The following ANAPC1 variants were observed in gnomAD, a reference collection of about 807,000 sequenced individuals.
The protein encoded by ANAPC1 is anaphase promoting complex subunit 1.
A neutral mutation model predicts 208.0 loss-of-function variants in ANAPC1; 36 were observed. The ratio of observed to expected loss-of-function variants is 0.17; its 90% confidence interval spans 0.13 to 0.23. The LOEUF (loss-of-function observed/expected upper bound fraction) is 0.23. Ranked by LOEUF, ANAPC1 falls within the 10% of genes least tolerant of loss-of-function variation. The pLI is 1.00. For synonymous variants in ANAPC1, 378 were observed against 695.2 expected (o/e 0.54, Z 7.18); for missense variants, 942 against 2,011.6 (o/e 0.47, Z 10.17).
At chr2:111,821,151 C>T (rs2104428789) in intron 26 of ANAPC1, 88 bp downstream of exon 26, 3 of 1,485,834 alleles carry the variant, frequency 2.0e-6, no homozygotes, top group East Asian at 4.6e-5. Context: ...GTTTTAAATG[C>T]TAAAAACTTG....
chr2:111,821,542 G>A (rs1679535452), intron 25 of ANAPC1, 89 bp from the exon 26 acceptor site: 5 of 1,414,640 alleles, frequency 3.5e-6, no homozygotes, highest in African/African-American at 1.4e-5. Context: ...GATGTGTCTT[G>A]ACTATACTAG....
chr2:111,846,841 A>T (rs1681116172), intron 16 of ANAPC1, among the ~76,000 whole-genome samples: 2 of 152,014 alleles, frequency 1.3e-5, no homozygotes, highest in South Asian at 4.2e-4. Context: ...AAGTGTTGGG[A>T]TTACAGGTGT....
At chr2:111,855,082 T>C (rs1234861708) in intron 13 of ANAPC1, among the ~76,000 whole-genome samples, 1 of 152,160 alleles carries the variant, frequency 6.6e-6, no homozygotes, top group Non-Finnish European at 1.5e-5. Flanking sequence ...TAGAGGCCAT[T>C]AGAGGGTTAC....
At chr2:111,785,560 G>A (rs1677503429) in intron 39 of ANAPC1, 83 bp from the exon 40 acceptor site, 5 of 882,494 alleles carry the variant, frequency 5.7e-6, no homozygotes, top group Non-Finnish European at 9.1e-6. Context: ...TATAAGCTAA[G>A]ACAGGACAGA....
chr2:111,846,559 A>ATATATATT (rs1553430004), intron 16 of ANAPC1, among the ~76,000 whole-genome samples: 29 of 46,298 alleles, frequency 6.3e-4, no homozygotes, highest in African/African-American at 2.3e-3. Flanking sequence ...ATATATATAT[A>ATATATATT]TTTTTTTTTT....
chr2:111,777,180 T>C, intron 45 of ANAPC1, 123 bp from the exon 46 acceptor site: 1 of 658,928 alleles, frequency 1.5e-6, no homozygotes. Context: ...GGGTGGTCCA[T>C]TCTGTGTTTT....
intron 6 of ANAPC1, among the ~76,000 whole-genome samples, chr2:111,869,646 A>G (rs10197222): frequency 0.58 from 88,553 of 152,104 alleles, 26,692 homozygotes; most frequent in South Asian, 0.69. Flanking sequence ...ATGAGTGTAC[A>G]TACAGGCTGA....
intron 37 of ANAPC1, 74 bp downstream of exon 37, chr2:111,794,004 A>G: frequency 1.1e-6 from 1 of 940,728 alleles, no homozygotes; most frequent in South Asian, 1.9e-5. Context: ...CTGATAACAC[A>G]TAAGTAACTG....
intron 24 of ANAPC1, among the ~76,000 whole-genome samples, chr2:111,823,320 GCAA>G (rs975932891): frequency 2.0e-5 from 3 of 151,876 alleles, no homozygotes; most frequent in Non-Finnish European, 4.4e-5. Context: ...CCTGGCCCAA[GCAA>G]CAATAATGCT....
chr2:111,880,891 A>C, intron 1 of ANAPC1, 42 bp from the exon 2 acceptor site: 1 of 1,487,198 alleles, frequency 6.7e-7, no homozygotes, highest in South Asian at 1.2e-5. Flanking sequence ...TCCAGACTCA[A>C]AACTAGAATA....
intron 34 of ANAPC1, among the ~76,000 whole-genome samples, chr2:111,797,973 A>G (rs1678245695): frequency 7.9e-6 from 1 of 126,762 alleles, no homozygotes; most frequent in South Asian, 2.6e-4. Flanking sequence ...AAGCAGGTCT[A>G]TCTGCGCCAA....
rs1374554730 is a variant in ANAPC1 at position 111,781,771 on chromosome 2, G to C, written c.5202+598C>G. On this transcript the variant is annotated intron_variant, in intron 43 of 47. Coordinates refer to ENST00000341068, the MANE Select transcript of ANAPC1 (RefSeq NM_022662.4). ...TTTCTTGTGTTGGAAACTTATCTGAGTCAAGAATATAGAGCAAAATATGTG... is the reference window on the plus strand; with the variant it reads ...TTTCTTGTGTTGGAAACTTATCTGACTCAAGAATATAGAGCAAAATATGTG... 1.3e-5 allele frequency among the ~76,000 whole-genome samples: 2 copies of C among 152,268 alleles called. 1 individual carries two copies. Among genetic ancestry groups the C allele is most frequent in the Admixed American group, 1.3e-4 (2 of 15,288 alleles).
At chr2:111,881,220 G>T (rs182853109) in intron 1 of ANAPC1, among the ~76,000 whole-genome samples, 2 of 152,136 alleles carry the variant, frequency 1.3e-5, no homozygotes, top group East Asian at 3.9e-4. Context: ...AACATTTAAG[G>T]TCATTTCTGG....
Position 111,783,927 on chromosome 2 carries a change from A to G in ANAPC1, c.5033T>C (p.Ile1678Thr), listed in dbSNP as rs1200363934. 1 of 867,616 alleles carries G rather than the reference A, an allele frequency of 1.2e-6. No homozygotes were observed. Among genetic ancestry groups the G allele is most frequent in the Non-Finnish European group, 1.9e-6 (1 of 536,428 alleles). The allele number at this position is 867,616 out of a possible 1,614,324, so 53.7% of individuals were successfully genotyped here. A position where few individuals can be genotyped will look rare whatever the true frequency, so the allele number is the denominator to read the frequency against. Residue 1678 changes from isoleucine (I) to threonine (T), a missense_variant, in exon 42 of 48, where the codon ATA (isoleucine) becomes ACA (threonine). Transcript: ENST00000341068. Reference sequence around the variant, plus strand: ...GTGTTGTGTTCCTTTGCTTAAATCTATGAGCAGTTCCCAGTATCTTGGGCC... The same window carrying G: ...GTGTTGTGTTCCTTTGCTTAAATCTGTGAGCAGTTCCCAGTATCTTGGGCC... ...VKGPRYWELL[I>T]DLSKGTQHLK...
intron 18 of ANAPC1, among the ~76,000 whole-genome samples, chr2:111,837,044 C>T (rs938921496): frequency 1.3e-5 from 2 of 149,208 alleles, no homozygotes; most frequent in Non-Finnish European, 3.0e-5. Context: ...ATTCATAAGA[C>T]TTTAAAAAAA....
intron 47 of ANAPC1, among the ~76,000 whole-genome samples, chr2:111,771,810 G>T (rs551983040): frequency 6.6e-6 from 1 of 151,474 alleles, no homozygotes. Flanking sequence ...CAAAAAAATT[G>T]GGTGCTTAGA....
Position 111,863,910 on chromosome 2 carries a change from A to C in ANAPC1, c.832-15T>G, listed in dbSNP as rs1682237706. On this transcript the variant is annotated splice_polypyrimidine_tract_variant and intron_variant, in intron 8 of 47. Transcript: ENST00000341068. Reference sequence around the variant, plus strand: ...ACATTCTCTTCCTTAAGTCAAAATAAAGAGAAAGAGGAAAAAAAAAAAAAC... The same window carrying C: ...ACATTCTCTTCCTTAAGTCAAAATACAGAGAAAGAGGAAAAAAAAAAAAAC... 1 of 1,558,856 alleles carries C rather than the reference A, an allele frequency of 6.4e-7. No homozygotes were observed. Among genetic ancestry groups the C allele is most frequent in the South Asian group, 1.2e-5 (1 of 82,668 alleles).
chr2:111,767,455 A>G (rs1199243788), downstream of ANAPC1, among the ~76,000 whole-genome samples: 1 of 152,002 alleles, frequency 6.6e-6, no homozygotes, highest in East Asian at 1.9e-4. Flanking sequence ...AGGCCTACTC[A>G]AGGGCTGACT....
intron 45 of ANAPC1, among the ~76,000 whole-genome samples, 193 bp from the exon 46 acceptor site, chr2:111,777,250 A>G (rs1211217776): frequency 6.6e-6 from 1 of 152,122 alleles, no homozygotes; most frequent in East Asian, 1.9e-4. Flanking sequence ...CACCTCCTTC[A>G]ATATGGCCCT....
Sources: gnomAD v4.1 joint callset for allele counts (sites outside exome capture counted in the v4.1 genomes callset) on GRCh38, gnomAD v4.1.1 for gene constraint, MANE v1.5 for transcripts, NCBI Gene and HGNC (gene_info 2026-07-23, HGNC 2026-07-21) for gene names.